The following ORMDL3 variants were observed in gnomAD, a reference collection of about 807,000 sequenced individuals.
ORMDL3 encodes the protein ORMDL sphingolipid biosynthesis regulator 3, also known as ORM1-like protein 3.
ORMDL3 carries 6 observed loss-of-function variants against 12.6 expected under a neutral mutation model. The observed-to-expected ratio is 0.48, with a 90% CI of 0.26 to 0.94. The LOEUF (loss-of-function observed/expected upper bound fraction) is 0.94. Among genes scored for constraint, ORMDL3 ranks in the 40% least tolerant of loss-of-function variants. The probability of loss-of-function intolerance (pLI) is 0.14; values close to 1 mark genes in which losing one functional copy is unlikely to be tolerated. For missense variants in ORMDL3, 159 were observed against 205.5 expected, an observed-to-expected ratio of 0.77 and a Z score of 1.38; for synonymous variants, 99 against 87.2, an observed-to-expected ratio of 1.14 and a Z score of -0.75.
intron 2 of ORMDL3, 98 bp downstream of exon 2, chr17:39,923,930 TGG>T (rs1978318999): frequency 7.9e-7 from 1 of 1,271,434 alleles, no homozygotes; most frequent in African/African-American, 1.5e-5. Context: ...CCCTGACACC[TGG>T]GCCAGGCCCG....
Position 39,921,782 on chromosome 17 carries a change from C to G in ORMDL3, c.*768G>C, listed in dbSNP as rs1259278955. On this transcript the variant is annotated 3_prime_UTR_variant, in exon 4 of 4. Transcript: ENST00000304046. ...GATTGGGTCTAGCTTCTGTCCCTAC[C>G]CCTCCCTCCCTTACACCAGTCCTCT... 6.6e-6 allele frequency: 1 copy of G among 151,956 alleles called. No homozygotes were observed. Among genetic ancestry groups the G allele is most frequent in the Non-Finnish European group, 1.5e-5 (1 of 68,012 alleles). 9.4% of individuals were successfully genotyped at this position (151,956 alleles called of 1,614,324 possible). A position where few individuals can be genotyped will look rare whatever the true frequency, so the allele number is the denominator to read the frequency against.
chr17:39,924,273 C>A (rs1052010570), intron 1 of ORMDL3, 48 bp from the exon 2 acceptor site: 179 of 1,503,526 alleles, frequency 1.2e-4, no homozygotes, highest in Non-Finnish European at 1.6e-4. Context: ...CTTTCCCTGC[C>A]CCCTCTCACC....
In ORMDL3 at chr17:39,927,563, C is replaced by T. The variant is rs745523109; in HGVS notation, c.-102G>A. 119 of 985,472 alleles carry T rather than the reference C, an allele frequency of 1.2e-4. No individual in the cohort carries two copies. Among genetic ancestry groups the T allele is most frequent in the Non-Finnish European group, 1.4e-4 (115 of 830,044 alleles). The allele number at this position is 985,472 out of a possible 1,614,324, so 61.0% of individuals were successfully genotyped here. On this transcript the variant is annotated 5_prime_UTR_variant, in exon 1 of 4. Transcript: ENST00000304046. ...TGCTGCTCCAGCAGCTGTAACAACC[C>T]GCGGCTGCAGCCTCCCCGCTGGCAG...
In ORMDL3 at chr17:39,924,129, G is replaced by C; in HGVS notation, c.75C>G (p.Ser25=). The change falls in exon 2 of 4, where the codon TCC becomes TCG. Residue 25 remains serine, a synonymous_variant. Coordinates refer to ENST00000304046, the MANE Select transcript of ORMDL3 (RefSeq NM_139280.4). Reference sequence around the variant, plus strand: ...GGAGGAGACCGATGGCCAGCACGTAGGAGAGCCAGATGCCACGGCTGTTCA... The same window carrying C: ...GGAGGAGACCGATGGCCAGCACGTACGAGAGCCAGATGCCACGGCTGTTCA... ...RVMNSRGIWL[S]YVLAIGLLHI... The C allele has an allele frequency of 1.2e-6, 2 of 1,614,168 alleles. No homozygotes were observed. The highest frequency in any genetic ancestry group is 1.7e-6 in the Non-Finnish European group (2 of 1,179,998).
At position 39,921,284 on chromosome 17, in the gene ORMDL3, T is replaced by G. The variant is rs1410694843; in HGVS notation, c.*1266A>C. 6.5e-6 allele frequency: 1 copy of G among 152,678 alleles called. No individual in the cohort carries two copies. Among genetic ancestry groups the G allele is most frequent in the African/African-American group, 2.4e-5 (1 of 41,442 alleles). The allele number at this position is 152,678 out of a possible 1,614,324, so 9.5% of individuals were successfully genotyped here. ...AAATTAACACTGCCCCTAGTCCAACTGGGGAGGGGAGAAGGCTCCAGCCCA... is the reference window on the plus strand; with the variant it reads ...AAATTAACACTGCCCCTAGTCCAACGGGGGAGGGGAGAAGGCTCCAGCCCA... On this transcript the variant is annotated 3_prime_UTR_variant, in exon 4 of 4. Transcript: ENST00000304046.
At chr17:39,924,312 G>T in intron 1 of ORMDL3, 87 bp from the exon 2 acceptor site, 1 of 1,303,102 alleles carries the variant, frequency 7.7e-7, no homozygotes, top group Non-Finnish European at 1.0e-6. Flanking sequence ...GCAGGCCCTT[G>T]TTTCCCTGAG....
Position 39,924,011 on chromosome 17 carries a change from G to A in ORMDL3, c.174+19C>T. 6.3e-7 allele frequency: 1 copy of A among 1,579,040 alleles called. No individual in the cohort carries two copies. Among genetic ancestry groups the A allele is most frequent in the Non-Finnish European group, 8.6e-7 (1 of 1,160,248 alleles). ...AGGGCAGGGGCAGGGGCAGGGGCAGGCAGCAGACAGGCTCTCACCATGTTG... is the reference window on the plus strand; with the variant it reads ...AGGGCAGGGGCAGGGGCAGGGGCAGACAGCAGACAGGCTCTCACCATGTTG... On this transcript the variant is annotated intron_variant, in intron 2 of 3. Transcript: ENST00000304046.
At chr17:39,923,460 G>C (rs1978314651) in intron 2 of ORMDL3, among the ~76,000 whole-genome samples, 197 bp from the exon 3 acceptor site, 1 of 152,010 alleles carries the variant, frequency 6.6e-6, no homozygotes, top group African/African-American at 2.4e-5. Context: ...CTGGGGGACG[G>C]GCTAGGCCTG....
intron 3 of ORMDL3, among the ~76,000 whole-genome samples, 200 bp downstream of exon 3, chr17:39,922,912 A>T (rs1187806603): frequency 6.6e-6 from 1 of 152,232 alleles, no homozygotes; most frequent in Non-Finnish European, 1.5e-5. Context: ...TCTCACTAGC[A>T]GGAAGGAAGC....
chr17:39,927,195 G>A (rs937590132), intron 1 of ORMDL3: 4 of 222,512 alleles, frequency 1.8e-5, no homozygotes, highest in African/African-American at 2.3e-5. Flanking sequence ...ATCTCCACGC[G>A]TTCACCCAGC....
At chr17:39,923,568 C>A (rs1277098248) in intron 2 of ORMDL3, among the ~76,000 whole-genome samples, 1 of 151,960 alleles carries the variant, frequency 6.6e-6, no homozygotes, top group Admixed American at 6.6e-5. Context: ...TGGGAGGAGG[C>A]AAGCGATGGG....
intron 1 of ORMDL3, 51 bp from the exon 2 acceptor site, chr17:39,924,276 CT>C (rs1978323624): frequency 1.3e-6 from 2 of 1,500,662 alleles, no homozygotes; most frequent in Non-Finnish European, 1.8e-6. Context: ...TCCCTGCCCC[CT>C]CTCACCCTCG....
chr17:39,923,548 CT>C (rs1356080110), intron 2 of ORMDL3, among the ~76,000 whole-genome samples: 2 of 151,974 alleles, frequency 1.3e-5, no homozygotes, highest in African/African-American at 2.4e-5. Context: ...TCATAGCCCC[CT>C]GTGCCTGTTG....
chr17:39,922,967 C>T (rs375455995), intron 3 of ORMDL3, 145 bp downstream of exon 3: 2 of 1,176,604 alleles, frequency 1.7e-6, no homozygotes, highest in Non-Finnish European at 1.2e-6. Flanking sequence ...AAGCCTGAGT[C>T]CAGTGTAAGA....
rs769328853 is a variant in ORMDL3, at chr17:39,924,158, C to T, written c.46G>A (p.Val16Met). 1.9e-6 allele frequency: 3 copies of T among 1,613,732 alleles called. No individual in the cohort carries two copies. Among genetic ancestry groups the T allele is most frequent in the Non-Finnish European group, 2.5e-6 (3 of 1,179,836 alleles). The change falls in exon 2 of 4, where the codon GTG becomes ATG. Residue 16 changes from valine to methionine, a missense_variant. Physicochemically the swap from Val to Met is conservative, Grantham distance 21. Coordinates refer to ENST00000304046, the MANE Select transcript of ORMDL3 (RefSeq NM_139280.4). ...AGCCAGATGCCACGGCTGTTCATCA[C>T]CCGCGTGTTGGGGTTCACCTCGCTG... Reference protein sequence around the residue: ...AHSEVNPNTRVMNSRGIWLSY... With the variant: ...AHSEVNPNTRMMNSRGIWLSY...
intron 2 of ORMDL3, 152 bp downstream of exon 2, chr17:39,923,878 G>T: frequency 1.3e-6 from 1 of 754,982 alleles, no homozygotes; most frequent in Non-Finnish European, 2.1e-6. Flanking sequence ...GAGAGGTAAG[G>T]GCTAGGCCTG....
rs536139544 is a variant in ORMDL3 at position 39,922,454 on chromosome 17, G to A, written c.*96C>T. On this transcript the variant is annotated 3_prime_UTR_variant, in exon 4 of 4. Coordinates refer to ENST00000304046, the MANE Select transcript of ORMDL3 (RefSeq NM_139280.4). ...AGGCTCAACCCCCATCTCTGGCAGT[G>A]TCCAGAGGCTTCTTCTTTCTGTCTT... 7.8e-6 allele frequency: 11 copies of A among 1,409,020 alleles called. No homozygotes were observed. Among genetic ancestry groups the A allele is most frequent in the African/African-American group, 2.9e-5 (2 of 69,562 alleles). The allele number at this position is 1,409,020 out of a possible 1,614,324, so 87.3% of individuals were successfully genotyped here. A position where few individuals can be genotyped will look rare whatever the true frequency, so the allele number is the denominator to read the frequency against.
At chr17:39,924,302 G>T (rs1978324008) in intron 1 of ORMDL3, 77 bp from the exon 2 acceptor site, 7 of 1,389,196 alleles carry the variant, frequency 5.0e-6, no homozygotes, top group Non-Finnish European at 6.8e-6. Flanking sequence ...CCGCTGGGAG[G>T]CAGGCCCTTG....
rs1467552300 is a variant in ORMDL3 at position 39,921,636 on chromosome 17, T to G, written c.*914A>C. 2.0e-5 allele frequency: 3 copies of G among 152,370 alleles called. No homozygotes were observed. The highest frequency in any genetic ancestry group is 4.4e-5 in the Non-Finnish European group (3 of 68,108). The allele number at this position is 152,370 out of a possible 1,614,324, so 9.4% of individuals were successfully genotyped here. On this transcript the variant is annotated 3_prime_UTR_variant, in exon 4 of 4. Coordinates refer to ENST00000304046, the MANE Select transcript of ORMDL3 (RefSeq NM_139280.4). ...GACTCACGGGCCTTTTCCCCACCTG[T>G]CTACCCAACAGCCAACCCAGGAGTT...
Sources: gnomAD v4.1 joint callset for allele counts (sites outside exome capture counted in the v4.1 genomes callset) on GRCh38, gnomAD v4.1.1 for gene constraint, MANE v1.5 for transcripts, NCBI Gene and HGNC (gene_info 2026-07-23, HGNC 2026-07-21) for gene names.